The following NRF1 variants were observed in gnomAD, a reference collection of about 807,000 sequenced individuals.
NRF1 encodes alpha palindromic-binding protein.
A neutral mutation model predicts 58.5 loss-of-function variants in NRF1; 5 were observed. The ratio of observed to expected loss-of-function variants is 0.09; its 90% confidence interval spans 0.04 to 0.18. The LOEUF is 0.18. NRF1 is among the 10% of genes least tolerant of loss of function. NRF1 has a pLI of 1.00. For synonymous variants in NRF1, 224 were observed against 246.7 expected (o/e 0.91, Z 0.86); for missense variants, 288 against 657.7 (o/e 0.44, Z 6.15).
chr7:129,651,419 C>CAAAA (rs11319951), intron 1 of NRF1, among the ~76,000 whole-genome samples: 1 of 133,832 alleles, frequency 7.5e-6, no homozygotes. Context: ...GACTCTGTCT[C>CAAAA]AAAAAAAAAA....
At chr7:129,663,452 C>T (rs1801837725) in intron 2 of NRF1, among the ~76,000 whole-genome samples, 1 of 132,496 alleles carries the variant, frequency 7.5e-6, no homozygotes, top group Non-Finnish European at 1.6e-5. Flanking sequence ...ACATCCCAGA[C>T]AATGGGCGGC....
chr7:129,690,076 C>T (rs1489209548), intron 4 of NRF1, among the ~76,000 whole-genome samples: 2 of 152,190 alleles, frequency 1.3e-5, no homozygotes, highest in Non-Finnish European at 2.9e-5. Context: ...AAATGCAGAA[C>T]CATGAATACC....
chr7:129,671,781 C>G (rs1334597260), intron 3 of NRF1, among the ~76,000 whole-genome samples: 1 of 152,116 alleles, frequency 6.6e-6, no homozygotes, highest in Non-Finnish European at 1.5e-5. Flanking sequence ...ATGTGCAAGC[C>G]ATTGTTGTAG....
At chr7:129,722,322 CG>C (rs917760924) in intron 9 of NRF1, among the ~76,000 whole-genome samples, 9 of 147,968 alleles carry the variant, frequency 6.1e-5, no homozygotes, top group Non-Finnish European at 1.0e-4. Context: ...ACCTGGGAGG[CG>C]GAGGTTGCAG....
At chr7:129,624,260 C>CAT (rs1800867424) in intron 1 of NRF1, among the ~76,000 whole-genome samples, 1 of 151,988 alleles carries the variant, frequency 6.6e-6, no homozygotes. Context: ...CATAGGTGGT[C>CAT]ATATATATAT....
At chr7:129,707,963 T>G (rs2116185770) in intron 5 of NRF1, among the ~76,000 whole-genome samples, 1 of 152,300 alleles carries the variant, frequency 6.6e-6, no homozygotes, top group African/African-American at 2.4e-5. Context: ...AATATTAAAG[T>G]GTTGCTGTAC....
At chr7:129,640,859 C>T (rs117513368) in intron 1 of NRF1, among the ~76,000 whole-genome samples, 2,764 of 152,232 alleles carry the variant, frequency 0.018, 39 homozygotes, top group Middle Eastern at 0.038. Flanking sequence ...TTAGGTTTGC[C>T]TCTGGTTAAA....
Position 129,683,288 on chromosome 7 carries a change from AGTGTGT to A in NRF1, c.465+5558_465+5563del, listed in dbSNP as rs35691853. Among the ~76,000 whole-genome samples, 1,341 of 140,462 alleles carry A rather than the reference AGTGTGT, an allele frequency of 9.5e-3. 32 individuals are homozygous for A. Among genetic ancestry groups the A allele is most frequent in the African/African-American group, 0.034 (1,275 of 37,308 alleles). The allele number at this position is 140,462 out of a possible 152,430, so 92.1% of individuals were successfully genotyped here. A position where few individuals can be genotyped will look rare whatever the true frequency, so the allele number is the denominator to read the frequency against. ...AGAAAAAAATTTCAATCATGTGGAG[AGTGTGT>A]GTGTGTGTGTGTGTGTGTGTGTGTG... is the stretch of plus-strand genomic sequence containing the variant. On this transcript the variant is annotated intron_variant, in intron 4 of 10. Transcript: ENST00000393232.
At position 129,709,214 on chromosome 7, in the gene NRF1, C is replaced by A; in HGVS notation, c.746C>A (p.Thr249Lys). The change falls in exon 6 of 11, where the codon ACA (threonine) becomes AAA (lysine). Residue 249 changes from threonine (T) to lysine (K), a missense_variant. Physicochemically the swap from Thr to Lys is moderately conservative, Grantham distance 78. Around this residue, in one of 3 missense-constraint regions of NRF1, gnomAD observed 212 missense variants for 559.7 expected, o/e 0.38. Transcript: ENST00000393232. ...GCAAATGTCCGGAGTGATGTCCGCA[C>A]AGAAGAGCAAAAGCAGAGGGTGAGA... ...PWANVRSDVRTEEQKQRVSWT... is the reference protein window; with the variant it reads ...PWANVRSDVRKEEQKQRVSWT... 2 of 1,515,474 alleles carry A rather than the reference C, an allele frequency of 1.3e-6. No individual in the cohort carries two copies. The highest frequency in any genetic ancestry group is 2.6e-5 in the South Asian group (2 of 76,356). The allele number at this position is 1,515,474 out of a possible 1,614,324, so 93.9% of individuals were successfully genotyped here. A position where few individuals can be genotyped will look rare whatever the true frequency, so the allele number is the denominator to read the frequency against.
At chr7:129,680,154 A>T (rs1802275087) in intron 4 of NRF1, among the ~76,000 whole-genome samples, 1 of 152,202 alleles carries the variant, frequency 6.6e-6, no homozygotes, top group South Asian at 2.1e-4. Flanking sequence ...GCACATGAGA[A>T]CTAATGATAA....
chr7:129,653,101 C>T (rs761996387), intron 1 of NRF1, among the ~76,000 whole-genome samples: 12 of 152,258 alleles, frequency 7.9e-5, no homozygotes, highest in Admixed American at 3.9e-4. Flanking sequence ...CAGCCCCTGG[C>T]GACTAATAGT....
At chr7:129,657,823 T>G (rs1325104268) in intron 2 of NRF1, among the ~76,000 whole-genome samples, 1 of 152,096 alleles carries the variant, frequency 6.6e-6, no homozygotes, top group Non-Finnish European at 1.5e-5. Context: ...GTTACCCAGG[T>G]TGGCCTCAAA....
At chr7:129,695,810 T>C (rs2151095655) in intron 5 of NRF1, among the ~76,000 whole-genome samples, 1 of 151,580 alleles carries the variant, frequency 6.6e-6, no homozygotes, top group East Asian at 1.9e-4. Flanking sequence ...ACTAATTATC[T>C]ACACATGGTG....
chr7:129,692,639 T>C (rs1339630063), intron 5 of NRF1, among the ~76,000 whole-genome samples: 1 of 152,210 alleles, frequency 6.6e-6, no homozygotes, highest in Non-Finnish European at 1.5e-5. Flanking sequence ...GTTTAAGCCC[T>C]GTAATGGTTT....
chr7:129,725,556 A>C (rs1484862477), intron 9 of NRF1, among the ~76,000 whole-genome samples: 1 of 152,108 alleles, frequency 6.6e-6, no homozygotes, highest in Non-Finnish European at 1.5e-5. Context: ...CGAACTCCCG[A>C]CCTCAGGTGA....
chr7:129,647,189 C>T (rs562004937), intron 1 of NRF1, among the ~76,000 whole-genome samples: 73 of 152,048 alleles, frequency 4.8e-4, no homozygotes, highest in African/African-American at 1.6e-3. Context: ...AGTCATGTGC[C>T]ACCATGTCCG....
intron 9 of NRF1, among the ~76,000 whole-genome samples, chr7:129,720,160 G>T (rs1803287307): frequency 6.6e-6 from 1 of 152,180 alleles, no homozygotes; most frequent in South Asian, 2.1e-4. Flanking sequence ...TTGCAATCAG[G>T]TAGTTCGATG....
At chr7:129,685,586 T>G in intron 4 of NRF1, among the ~76,000 whole-genome samples, 1 of 108,404 alleles carries the variant, frequency 9.2e-6, no homozygotes, top group Non-Finnish European at 2.4e-5. Context: ...TGTGTGTGTG[T>G]GTGTGTGTGT....
chr7:129,738,755 GATC>G (rs1803780229), intron 10 of NRF1, among the ~76,000 whole-genome samples: 1 of 152,126 alleles, frequency 6.6e-6, no homozygotes, highest in Admixed American at 6.6e-5. Context: ...GAGTAGAATA[GATC>G]TTCTGAGCCC....
Sources: gnomAD v4.1 joint callset for allele counts (sites outside exome capture counted in the v4.1 genomes callset) on GRCh38, gnomAD v4.1.1 for gene constraint, gnomAD v4.1.1 regional missense constraint, MANE v1.5 for transcripts, NCBI Gene and HGNC (gene_info 2026-07-23, HGNC 2026-07-21) for gene names.